Variants in FAM13B observed in about 807,000 individuals in gnomAD.
FAM13B encodes the protein protein FAM13B.
In FAM13B, 60 loss-of-function variants were observed where a neutral mutation model predicts 117.3. The ratio of observed to expected loss-of-function variants is 0.51; its 90% CI spans 0.42 to 0.63. The LOEUF (loss-of-function observed/expected upper bound fraction) is 0.63, where lower values mean the gene tolerates loss of function less well. Among genes scored for constraint, FAM13B ranks in the 30% least tolerant of loss-of-function variants. The probability of loss-of-function intolerance (pLI) is 0.00; values close to 1 mark genes in which losing one functional copy is unlikely to be tolerated. For missense variants in FAM13B, 972 were observed against 1,091.9 expected (o/e 0.89, Z 1.55); for synonymous variants, 332 against 356.1 (o/e 0.93, Z 0.76).
rs190530643 is a variant in FAM13B at position 137,966,960 on chromosome 5, C to A, written c.1180-4491G>T. ...GACAAACAGCTGAATCTGCTCTTCA[C>A]ATCTTACACCATGATAAATTCCAAA... On this transcript the variant is annotated intron_variant, in intron 10 of 23. Transcript: ENST00000689681. Among the ~76,000 whole-genome samples the A allele has an allele frequency of 4.6e-5, 7 of 152,282 alleles. 1 individual carries two copies. The East Asian group carries it at 1.4e-3, about 29-fold the overall frequency.
At chr5:137,982,793 A>C (rs985633326) in intron 10 of FAM13B, among the ~76,000 whole-genome samples, 2 of 152,182 alleles carry the variant, frequency 1.3e-5, no homozygotes, top group African/African-American at 4.8e-5. Flanking sequence ...ATGTCATGTA[A>C]AACTTACATT....
At position 138,042,639 on chromosome 5, in the gene FAM13B, GAA is replaced by G. The variant is rs34217311; in HGVS notation, c.-203+9237_-203+9238del. Among the ~76,000 whole-genome samples the G allele has an allele frequency of 2.2e-3, 325 of 144,866 alleles. 1 individual carries two copies. The highest frequency in any genetic ancestry group is 0.015 in the East Asian group (78 of 5,064). On this transcript the variant is annotated intron_variant, in intron 1 of 3. Transcript: ENST00000502471. ...TACAAATTAGGGGAAAAACTTAAAA[GAA>G]AAAAAAAAAAAGCCAGGAAGTGACT... is the stretch of plus-strand genomic sequence containing the variant.
intron 10 of FAM13B, among the ~76,000 whole-genome samples, chr5:137,980,605 G>A (rs974615004): frequency 2.0e-5 from 3 of 151,988 alleles, no homozygotes; most frequent in African/African-American, 7.2e-5. Context: ...ACCTAGCCTG[G>A]CTAATTTTTA....
chr5:137,940,050 G>A lies in FAM13B; in HGVS notation c.*175C>T. The A allele has an allele frequency of 6.2e-7, 1 of 1,613,864 alleles. No individual in the cohort carries two copies. The highest frequency in any genetic ancestry group is 1.1e-5 in the South Asian group (1 of 91,040). ...TATGGAACATCACTTACGCTCCCTT[G>A]AGAGGGCCTACTTACTCTCCCATCA... On this transcript the variant is annotated 3_prime_UTR_variant, in exon 24 of 24. Transcript: ENST00000689681.
chr5:138,033,034 G>C lies in FAM13B; in HGVS notation c.-455C>G. On this transcript the variant is annotated 5_prime_UTR_variant, in exon 1 of 24. Coordinates refer to ENST00000689681, the MANE Select transcript of FAM13B (RefSeq NM_001385994.1). ...GGAGAGAGTGGCGACAGAGGCGGCG[G>C]CTGAGGTGCAGAGCCTCCCTAACGG... is the stretch of plus-strand genomic sequence containing the variant. 1 of 986,848 alleles carries C rather than the reference G, an allele frequency of 1.0e-6. No homozygotes were observed. Among genetic ancestry groups the C allele is most frequent in the Non-Finnish European group, 1.2e-6 (1 of 831,126 alleles). 61.1% of individuals were successfully genotyped at this position (986,848 alleles called of 1,614,324 possible).
chr5:137,940,036 A>G lies in FAM13B; in HGVS notation c.*189T>C. ...CAGTCTGTGGTTAATATGGAACATC[A>G]CTTACGCTCCCTTGAGAGGGCCTAC... On this transcript the variant is annotated 3_prime_UTR_variant, in exon 24 of 24. Transcript: ENST00000689681. The G allele has an allele frequency of 6.2e-7, 1 of 1,613,050 alleles. No individual in the cohort carries two copies. Among genetic ancestry groups the G allele is most frequent in the Non-Finnish European group, 8.5e-7 (1 of 1,179,434 alleles).
intron 5 of FAM13B, among the ~76,000 whole-genome samples, 162 bp downstream of exon 5, chr5:138,011,606 G>A (rs898482518): frequency 6.6e-6 from 1 of 152,046 alleles, no homozygotes; most frequent in Non-Finnish European, 1.5e-5. Flanking sequence ...TTTTAGTAGA[G>A]ACGGGGTTTC....
intron 10 of FAM13B, among the ~76,000 whole-genome samples, chr5:137,970,105 G>A (rs967380898): frequency 4.5e-4 from 69 of 152,062 alleles, no homozygotes; most frequent in African/African-American, 1.6e-3. Flanking sequence ...AGGAAATACA[G>A]AGAACGCCAC....
intron 1 of FAM13B, 41 bp downstream of exon 1, chr5:138,032,740 AC>A (rs1362229792): frequency 3.0e-6 from 3 of 985,426 alleles, no homozygotes; most frequent in African/African-American, 3.5e-5. Context: ...GCGACCTGCA[AC>A]CCGCGCATGC....
At chr5:137,971,881 C>A (rs1450745150) in intron 10 of FAM13B, among the ~76,000 whole-genome samples, 1 of 152,168 alleles carries the variant, frequency 6.6e-6, no homozygotes, top group Non-Finnish European at 1.5e-5. Flanking sequence ...ATAAATTCTT[C>A]AACACATACA....
chr5:137,998,547 G>T (rs781537551), intron 7 of FAM13B, among the ~76,000 whole-genome samples: 1 of 152,146 alleles, frequency 6.6e-6, no homozygotes, highest in African/African-American at 2.4e-5. Flanking sequence ...ATTAGGACTT[G>T]AACACTGGCA....
At chr5:137,970,868 C>T in intron 10 of FAM13B, among the ~76,000 whole-genome samples, 1 of 151,936 alleles carries the variant, frequency 6.6e-6, no homozygotes, top group East Asian at 1.9e-4. Context: ...CAAAGAAGGC[C>T]ATTACTTAAT....
chr5:138,025,126 G>A (rs1216118077), intron 1 of FAM13B, among the ~76,000 whole-genome samples: 5 of 151,282 alleles, frequency 3.3e-5, no homozygotes, highest in South Asian at 2.1e-4. Flanking sequence ...TGCACACCTC[G>A]GCATTACAGG....
intron 10 of FAM13B, among the ~76,000 whole-genome samples, chr5:137,975,558 T>C (rs1486071787): frequency 6.6e-6 from 1 of 152,154 alleles, no homozygotes; most frequent in African/African-American, 2.4e-5. Flanking sequence ...CCTGCAAAAC[T>C]ACCTATTTCT....
Position 137,938,492 on chromosome 5 carries a change from T to C in FAM13B, c.*1733A>G, listed in dbSNP as rs1581016200. On this transcript the variant is annotated 3_prime_UTR_variant, in exon 24 of 24. Transcript: ENST00000689681. ...ATGTACACTGCATGATGGATTCAAATAAAAATGATACATCTTTTGGTATTT... is the reference window on the plus strand; with the variant it reads ...ATGTACACTGCATGATGGATTCAAACAAAAATGATACATCTTTTGGTATTT... The C allele has an allele frequency of 6.6e-6, 1 of 152,606 alleles. No homozygotes were observed. 9.5% of individuals were successfully genotyped at this position (152,606 alleles called of 1,614,324 possible). A position where few individuals can be genotyped will look rare whatever the true frequency, so the allele number is the denominator to read the frequency against.
chr5:138,031,977 T>C (rs891713894), intron 1 of FAM13B, among the ~76,000 whole-genome samples: 2 of 152,236 alleles, frequency 1.3e-5, no homozygotes, highest in East Asian at 1.9e-4. Flanking sequence ...GCTACCATTT[T>C]AGATTATCAG....
At chr5:137,950,250 C>T (rs191036504) in intron 17 of FAM13B, among the ~76,000 whole-genome samples, 3 of 152,056 alleles carry the variant, frequency 2.0e-5, no homozygotes, top group African/African-American at 4.8e-5. Flanking sequence ...CTACATTGGA[C>T]GGGATTGACA....
intron 11 of FAM13B, among the ~76,000 whole-genome samples, chr5:137,962,067 C>A (rs1213287045): frequency 6.6e-6 from 1 of 152,154 alleles, no homozygotes; most frequent in African/African-American, 2.4e-5. Context: ...TAGTTATACA[C>A]AGTTACAAGA....
intron 7 of FAM13B, among the ~76,000 whole-genome samples, chr5:137,996,913 T>C (rs1780011595): frequency 6.6e-6 from 1 of 152,182 alleles, no homozygotes; most frequent in African/African-American, 2.4e-5. Context: ...TCTTTCTAAA[T>C]TGAGTTTTAG....
Sources: allele counts gnomAD v4.1 joint callset (sites outside exome capture counted in the v4.1 genomes callset), GRCh38; gene constraint gnomAD v4.1.1; transcripts MANE v1.5; gene names NCBI Gene and HGNC (gene_info 2026-07-23, HGNC 2026-07-21).